CTNNA3: variants seen among roughly 807,000 people sequenced by gnomAD.
The protein encoded by CTNNA3 is catenin alpha-3.
In CTNNA3, 76 loss-of-function variants were observed where a neutral mutation model predicts 95.7. The observed-to-expected ratio is 0.79, with a 90% CI of 0.66 to 0.96. The LOEUF (loss-of-function observed/expected upper bound fraction) is 0.96. Among genes scored for constraint, CTNNA3 ranks in the 40% least tolerant of loss-of-function variants. The pLI, the probability that CTNNA3 is intolerant of heterozygous loss-of-function variation, is 0.00. For missense variants in CTNNA3, 1,191 were observed against 1,089.8 expected (o/e 1.09, Z -1.31); for synonymous variants, 431 against 374.4 (o/e 1.15, Z -1.74).
At chr10:67,714,921 T>A (rs1030986001) in intron 1 of CTNNA3, among the ~76,000 whole-genome samples, 9 of 152,220 alleles carry the variant, frequency 5.9e-5, no homozygotes, top group Non-Finnish European at 1.3e-4. Context: ...GTCTTTCACC[T>A]TCCACCATGA....
intron 5 of CTNNA3, among the ~76,000 whole-genome samples, chr10:67,239,365 TAAAA>T (rs11330069): frequency 7.0e-6 from 1 of 142,888 alleles, no homozygotes. Context: ...CTACACGTGA[TAAAA>T]AAAAAAAAAA....
intron 15 of CTNNA3, among the ~76,000 whole-genome samples, chr10:66,043,326 C>T (rs1057194534): frequency 1.3e-5 from 2 of 152,028 alleles, no homozygotes; most frequent in Non-Finnish European, 2.9e-5. Context: ...ATAATGGATG[C>T]ACATTGAACC....
rs995227225 is a variant in CTNNA3 at position 65,916,282 on chromosome 10, A to G, written c.*4048T>C. On this transcript the variant is annotated 3_prime_UTR_variant, in exon 18 of 18. Transcript: ENST00000433211. ...TACAAACAGAAAAAATGAATATTTG[A>G]TTCCTAAATATACAATAGGCAGGCT... The G allele has an allele frequency of 1.3e-5, 2 of 152,258 alleles. No homozygotes were observed. The highest frequency in any genetic ancestry group is 2.1e-4 in the South Asian group (1 of 4,828). 9.4% of individuals were successfully genotyped at this position (152,258 alleles called of 1,614,324 possible).
intron 7 of CTNNA3, among the ~76,000 whole-genome samples, chr10:67,011,295 C>A (rs1160179095): frequency 6.8e-6 from 1 of 148,122 alleles, no homozygotes; most frequent in African/African-American, 2.5e-5. Flanking sequence ...GAGCCAAGAT[C>A]ATGCCACTGC....
intron 15 of CTNNA3, among the ~76,000 whole-genome samples, chr10:66,008,225 C>T (rs2078935970): frequency 6.6e-6 from 1 of 152,190 alleles, no homozygotes; most frequent in African/African-American, 2.4e-5. Flanking sequence ...GAGAAACCAA[C>T]AGCCACGTGA....
At chr10:66,099,346 T>C (rs1054471216) in intron 14 of CTNNA3, among the ~76,000 whole-genome samples, 1 of 152,162 alleles carries the variant, frequency 6.6e-6, no homozygotes, top group Non-Finnish European at 1.5e-5. Context: ...GCAATGGATA[T>C]GAAATTACAG....
intron 7 of CTNNA3, among the ~76,000 whole-genome samples, chr10:67,135,465 CCAG>C (rs1564915302): frequency 2.6e-5 from 4 of 152,134 alleles, no homozygotes; most frequent in Admixed American, 2.6e-4. Flanking sequence ...TGTTTCAAGG[CCAG>C]CCTGGGCAAA....
At chr10:67,581,228 G>C (rs1315563081) in intron 3 of CTNNA3, among the ~76,000 whole-genome samples, 1 of 152,156 alleles carries the variant, frequency 6.6e-6, no homozygotes, top group Non-Finnish European at 1.5e-5. Flanking sequence ...TTTGAGATAT[G>C]TCCCATCAAC....
At position 66,298,725 on chromosome 10, in the gene CTNNA3, C is replaced by T. The variant is rs192104601; in HGVS notation, c.1733-18104G>A. Among the ~76,000 whole-genome samples, 498 of 152,236 alleles carry T rather than the reference C, an allele frequency of 3.3e-3. 2 individuals carry two copies. Among genetic ancestry groups the T allele is most frequent in the Middle Eastern group, 0.017 (5 of 294 alleles). On this transcript the variant is annotated intron_variant, in intron 12 of 17. Transcript: ENST00000433211. ...ACAGAGAGTTGGCAAGTGATCTAGT[C>T]AGCCAAAAAGATTGTCTTTCCTCGG...
intron 9 of CTNNA3, among the ~76,000 whole-genome samples, chr10:66,651,588 A>G (rs1396227911): frequency 6.6e-6 from 1 of 152,100 alleles, no homozygotes; most frequent in Non-Finnish European, 1.5e-5. Flanking sequence ...ATGGCAGGCT[A>G]AGGGTCCCAA....
At chr10:67,305,005 G>A (rs765706403) in intron 5 of CTNNA3, among the ~76,000 whole-genome samples, 2 of 152,202 alleles carry the variant, frequency 1.3e-5, no homozygotes, top group East Asian at 1.9e-4. Context: ...GGCTGGGTGC[G>A]GTGGCTCATG....
intron 5 of CTNNA3, among the ~76,000 whole-genome samples, chr10:67,269,578 G>A (rs1283663226): frequency 2.6e-5 from 4 of 152,094 alleles, no homozygotes; most frequent in Non-Finnish European, 5.9e-5. Flanking sequence ...AGGAATAGAT[G>A]TCTTTAAGAA....
At chr10:67,551,679 G>A (rs1354175442) in intron 3 of CTNNA3, among the ~76,000 whole-genome samples, 2 of 152,168 alleles carry the variant, frequency 1.3e-5, no homozygotes, top group Admixed American at 1.3e-4. Flanking sequence ...CCGTCTGTAT[G>A]CTCCCCTAGA....
At chr10:66,540,554 TG>T (rs1214524167) in intron 10 of CTNNA3, among the ~76,000 whole-genome samples, 1 of 152,058 alleles carries the variant, frequency 6.6e-6, no homozygotes, top group Non-Finnish European at 1.5e-5. Context: ...GAAATAAAGT[TG>T]AGCCGTTTTT....
intron 5 of CTNNA3, among the ~76,000 whole-genome samples, chr10:67,365,650 G>C (rs559195949): frequency 2.0e-4 from 31 of 152,142 alleles, no homozygotes; most frequent in Non-Finnish European, 2.5e-4. Context: ...GGTCATCAGA[G>C]AAATGCAAAT....
chr10:66,046,905 T>A (rs1023837489), intron 15 of CTNNA3, among the ~76,000 whole-genome samples: 1 of 151,926 alleles, frequency 6.6e-6, no homozygotes, highest in Non-Finnish European at 1.5e-5. Flanking sequence ...CTTGGACACA[T>A]ACACCCTCCC....
At chr10:66,966,633 G>T (rs1251400288) in intron 7 of CTNNA3, among the ~76,000 whole-genome samples, 1 of 151,986 alleles carries the variant, frequency 6.6e-6, no homozygotes, top group Non-Finnish European at 1.5e-5. Flanking sequence ...TTTACGGCGA[G>T]GGGGAAGCAG....
chr10:67,155,489 T>C (rs1445496248), intron 7 of CTNNA3, among the ~76,000 whole-genome samples: 1 of 150,512 alleles, frequency 6.6e-6, no homozygotes, highest in African/African-American at 2.5e-5. Context: ...TTATTTAAAA[T>C]ATACATGTAT....
intron 1 of CTNNA3, among the ~76,000 whole-genome samples, chr10:67,685,729 G>T (rs1840718280): frequency 6.6e-6 from 1 of 152,022 alleles, no homozygotes; most frequent in Non-Finnish European, 1.5e-5. Flanking sequence ...AAAGGAATAG[G>T]GTACACTGTT....
Sources: allele counts gnomAD v4.1 joint callset (sites outside exome capture counted in the v4.1 genomes callset), GRCh38; gene constraint gnomAD v4.1.1; transcripts MANE v1.5; gene names NCBI Gene and HGNC (gene_info 2026-07-23, HGNC 2026-07-21).